PCDHGA1: variants seen among roughly 807,000 people sequenced by gnomAD.
The protein encoded by PCDHGA1 is protocadherin gamma-A1.
A neutral mutation model predicts 58.0 loss-of-function variants in PCDHGA1; 32 were observed. That is an observed-to-expected ratio of 0.55 (90% CI 0.42 to 0.74). The LOEUF (loss-of-function observed/expected upper bound fraction) is 0.74, where lower values mean the gene tolerates loss of function less well. Among genes scored for constraint, PCDHGA1 ranks in the 30% least tolerant of loss-of-function variants. The pLI is 0.00. For missense variants in PCDHGA1, 1,205 were observed against 1,182.3 expected (o/e 1.02, Z -0.28); for synonymous variants, 498 against 501.1 (o/e 0.99, Z 0.08).
Position 141,332,638 on chromosome 5 carries a change from C to T in PCDHGA1, c.1954C>T (p.Pro652Ser). 4 of 1,612,910 alleles carry T rather than the reference C, an allele frequency of 2.5e-6. No homozygotes were observed. Among genetic ancestry groups the T allele is most frequent in the Non-Finnish European group, 1.7e-6 (2 of 1,179,790 alleles). ...LVVAVQDHGQ[P>S]PLSATVTLTV... ...GGTGGCCGTCCAGGACCACGGCCAG[C>T]CCCCGCTCTCCGCCACTGTCACGCT... Residue 652 changes from proline to serine, a missense_variant, in exon 1 of 4, where the codon CCC becomes TCC. Pro to Ser is a moderately conservative substitution (Grantham distance 74). Transcript: ENST00000517417. The surrounding 1 kb of genome is among the most constrained non-coding windows in gnomAD (Gnocchi z 4.6).
intron 1 of PCDHGA1, chr5:141,346,239 C>T (rs373249653): frequency 6.2e-7 from 1 of 1,614,080 alleles, no homozygotes. Context: ...GGCGAGTACG[C>T]CCGGCTCGCA....
At chr5:141,410,752 GT>G (rs2095421794) in intron 1 of PCDHGA1, 1 of 1,130,824 alleles carries the variant, frequency 8.8e-7, no homozygotes, top group Non-Finnish European at 1.2e-6. Context: ...TTTTCTCAAT[GT>G]TTTTTCAATT....
At chr5:141,388,835 G>T in intron 1 of PCDHGA1, 1 of 1,613,946 alleles carries the variant, frequency 6.2e-7, no homozygotes, top group South Asian at 1.1e-5. Flanking sequence ...CCATAGTTTT[G>T]GAAGCAAGGG....
intron 1 of PCDHGA1, among the ~76,000 whole-genome samples, chr5:141,437,990 C>G (rs1298325497): frequency 1.3e-5 from 2 of 152,148 alleles, no homozygotes; most frequent in Non-Finnish European, 2.9e-5. Flanking sequence ...CCCACCCCAC[C>G]TCAGCCTCCC....
chr5:141,370,226 A>T, intron 1 of PCDHGA1: 1 of 580,190 alleles, frequency 1.7e-6, no homozygotes, highest in East Asian at 2.9e-5. Flanking sequence ...CGCTGCAGCC[A>T]GCTCGGAAGA....
At chr5:141,393,265 G>T (rs755014362) in intron 1 of PCDHGA1, 3 of 1,613,904 alleles carry the variant, frequency 1.9e-6, no homozygotes, top group South Asian at 1.1e-5. Flanking sequence ...CCTGGAGCAC[G>T]TTATCCACTC....
At chr5:141,393,303 G>C in intron 1 of PCDHGA1, 1 of 1,613,764 alleles carries the variant, frequency 6.2e-7, no homozygotes, top group Non-Finnish European at 8.5e-7. Context: ...GGATGTGGGC[G>C]TGAACTCCCT....
At chr5:141,474,893 T>C (rs1406276730) in intron 1 of PCDHGA1, among the ~76,000 whole-genome samples, 1 of 152,256 alleles carries the variant, frequency 6.6e-6, no homozygotes, top group East Asian at 1.9e-4. Flanking sequence ...TAGAGGTTCA[T>C]TTCTTGTTCA....
intron 1 of PCDHGA1, chr5:141,387,800 T>G: frequency 4.6e-6 from 7 of 1,509,374 alleles, no homozygotes; most frequent in Non-Finnish European, 6.2e-6. Context: ...TAAAGTCCGT[T>G]CGGAGATCCA....
chr5:141,421,923 G>T (rs2096611568), intron 1 of PCDHGA1: 1 of 1,613,590 alleles, frequency 6.2e-7, no homozygotes. Flanking sequence ...TTCGTGTGGT[G>T]GTCCTCGATG....
chr5:141,415,121 C>T (rs2095831464), intron 1 of PCDHGA1: 1 of 1,613,522 alleles, frequency 6.2e-7, no homozygotes, highest in South Asian at 1.1e-5. Context: ...CTCGTAGTGG[C>T]CGTCCAGGAC....
chr5:141,330,842 G>T lies in PCDHGA1; in HGVS notation c.158G>T (p.Gly53Val), dbSNP rs1340217038. Reference sequence around the variant, plus strand: ...GTAGGCAACATCGCCAAGGACCTAGGGCTGCAACCCCAGGAGCTGGCAGAT... The same window carrying T: ...GTAGGCAACATCGCCAAGGACCTAGTGCTGCAACCCCAGGAGCTGGCAGAT... ...SFVGNIAKDL[G>V]LQPQELADGG... Residue 53 changes from glycine (G) to valine (V), a missense_variant, in exon 1 of 4, where the codon GGG (glycine) becomes GTG (valine). Coordinates refer to ENST00000517417, the MANE Select transcript of PCDHGA1 (RefSeq NM_018912.3). The T allele has an allele frequency of 6.2e-7, 1 of 1,614,034 alleles. No homozygotes were observed. Among genetic ancestry groups the T allele is most frequent in the East Asian group, 2.2e-5 (1 of 44,892 alleles).
chr5:141,350,970 C>T, intron 1 of PCDHGA1: 1 of 1,614,072 alleles, frequency 6.2e-7, no homozygotes, highest in Non-Finnish European at 8.5e-7. Context: ...GATAATGCTC[C>T]CGTGTTTAGC....
Position 141,331,652 on chromosome 5 carries a change from A to G in PCDHGA1, c.968A>G (p.Asp323Gly), listed in dbSNP as rs1199927878. 1.9e-6 allele frequency: 3 copies of G among 1,613,984 alleles called. No homozygotes were observed. The highest frequency in any genetic ancestry group is 2.7e-5 in the African/African-American group (2 of 74,920). Reference protein sequence around the residue: ...KMYSMEVQAQDGAGLMAKVKV... With the variant: ...KMYSMEVQAQGGAGLMAKVKV... ...TATTCAATGGAAGTTCAAGCCCAGGATGGTGCGGGGCTCATGGCTAAAGTT... is the reference window on the plus strand; with the variant it reads ...TATTCAATGGAAGTTCAAGCCCAGGGTGGTGCGGGGCTCATGGCTAAAGTT... The change falls in exon 1 of 4, where the codon GAT becomes GGT. Residue 323 changes from aspartate to glycine, a missense_variant. Coordinates refer to ENST00000517417, the MANE Select transcript of PCDHGA1 (RefSeq NM_018912.3).
At chr5:141,395,186 G>C in intron 1 of PCDHGA1, 1 of 1,614,086 alleles carries the variant, frequency 6.2e-7, no homozygotes, top group Non-Finnish European at 8.5e-7. Context: ...ATGATTCTTT[G>C]TTAACATCCG....
At chr5:141,364,973 T>G (rs752099711) in intron 1 of PCDHGA1, 1 of 1,613,760 alleles carries the variant, frequency 6.2e-7, no homozygotes, top group Non-Finnish European at 8.5e-7. Flanking sequence ...CCTCACAGCT[T>G]TAGATGGCGG....
intron 1 of PCDHGA1, chr5:141,414,700 A>G (rs886960965): frequency 6.2e-7 from 1 of 1,613,994 alleles, no homozygotes. Context: ...GTCCTCATAC[A>G]TATCCATCAA....
At chr5:141,448,216 G>A (rs766377717) in intron 1 of PCDHGA1, among the ~76,000 whole-genome samples, 41 of 152,046 alleles carry the variant, frequency 2.7e-4, no homozygotes, top group African/African-American at 1.7e-4. Context: ...GTGTGTATGC[G>A]AATGTATGTG....
chr5:141,428,349 G>A (rs555622676), intron 1 of PCDHGA1: 93 of 583,074 alleles, frequency 1.6e-4, no homozygotes, highest in African/African-American at 1.5e-3. Flanking sequence ...TCCTCGCAGT[G>A]ATTTTGGCGG....
Sources: gnomAD v4.1 joint callset for allele counts (sites outside exome capture counted in the v4.1 genomes callset) on GRCh38, gnomAD v4.1.1 for gene constraint, Gnocchi (gnomAD v3.1) non-coding constraint, MANE v1.5 for transcripts, NCBI Gene and HGNC (gene_info 2026-07-23, HGNC 2026-07-21) for gene names.